Variants in NBAS observed in about 807,000 individuals in gnomAD.
NBAS encodes the protein NBAS subunit of NRZ tethering complex, also known as NAG/BC035112 fusion.
Under a neutral mutation model 302.5 loss-of-function variants are expected in NBAS, and 219 were observed. The ratio of observed to expected loss-of-function variants is 0.72; its 90% CI spans 0.65 to 0.81. The LOEUF is 0.81. NBAS is among the 30% of genes least tolerant of loss of function. NBAS has a pLI of 0.00. For missense variants in NBAS, 2,932 were observed against 2,841.6 expected, an observed-to-expected ratio of 1.03 and a Z score of -0.72; for synonymous variants, 1,118 against 1,021.6, an observed-to-expected ratio of 1.09 and a Z score of -1.80.
intron 21 of NBAS, among the ~76,000 whole-genome samples, chr2:15,431,668 G>GA (rs1033039268): frequency 2.0e-5 from 3 of 152,070 alleles, no homozygotes; most frequent in East Asian, 1.9e-4. Flanking sequence ...GTTTGTTCAT[G>GA]AAAAAAATGG....
the NBAS span, among the ~76,000 whole-genome samples, chr2:14,835,560 C>T: frequency 2.0e-5 from 3 of 151,850 alleles, no homozygotes; most frequent in African/African-American, 7.2e-5. Flanking sequence ...CTTAATCACT[C>T]TACCTGAATT....
At chr2:15,525,701 T>C (rs530631833) in intron 9 of NBAS, among the ~76,000 whole-genome samples, 1 of 152,240 alleles carries the variant, frequency 6.6e-6, no homozygotes, top group South Asian at 2.1e-4. Context: ...TAAATTAGGG[T>C]CTAGAAGTAG....
At chr2:14,885,655 C>T in the NBAS span, among the ~76,000 whole-genome samples, 1 of 152,088 alleles carries the variant, frequency 6.6e-6, no homozygotes, top group African/African-American at 2.4e-5. Context: ...AGGGAAGAAA[C>T]AATGCCTAAG....
At chr2:15,224,388 A>G (rs969105943) in intron 47 of NBAS, among the ~76,000 whole-genome samples, 1 of 152,260 alleles carries the variant, frequency 6.6e-6, no homozygotes, top group African/African-American at 2.4e-5. Context: ...AATGCAAGAA[A>G]GCAGAACTAC....
chr2:15,333,454 T>C (rs1310974677), intron 35 of NBAS, among the ~76,000 whole-genome samples: 2 of 151,784 alleles, frequency 1.3e-5, no homozygotes, highest in Admixed American at 1.3e-4. Context: ...ACAAAGGGAG[T>C]AACAATCAGA....
In NBAS at chr2:15,421,818, T is replaced by A. The variant is rs572933782; in HGVS notation, c.2577+2497A>T. On this transcript the variant is annotated intron_variant, in intron 23 of 51. Coordinates refer to ENST00000281513, the MANE Select transcript of NBAS (RefSeq NM_015909.4). ...CAGAAAGCTCTATAGGTTTTTCCTTTAATACACTTTATTTTTTAGAGCAGT... is the reference window on the plus strand; with the variant it reads ...CAGAAAGCTCTATAGGTTTTTCCTTAAATACACTTTATTTTTTAGAGCAGT... 3.9e-5 allele frequency among the ~76,000 whole-genome samples: 6 copies of A among 152,306 alleles called. No individual in the cohort carries two copies. The South Asian group carries it at 8.3e-4, about 21-fold the overall frequency.
At chr2:15,405,463 A>G (rs1039360888) in intron 25 of NBAS, among the ~76,000 whole-genome samples, 1 of 151,942 alleles carries the variant, frequency 6.6e-6, no homozygotes, top group Non-Finnish European at 1.5e-5. Context: ...TTCCTTCCCT[A>G]TTATCTCAGT....
intron 32 of NBAS, among the ~76,000 whole-genome samples, chr2:15,364,351 G>A (rs577559448): frequency 1.3e-5 from 2 of 152,226 alleles, no homozygotes; most frequent in South Asian, 4.1e-4. Context: ...GACCAGCATG[G>A]GGAAACCCCG....
At chr2:15,149,445 T>C in the NBAS span, among the ~76,000 whole-genome samples, 1 of 152,246 alleles carries the variant, frequency 6.6e-6, no homozygotes, top group Admixed American at 6.5e-5. Flanking sequence ...TAGTAACCTC[T>C]GATCCTATTT....
the NBAS span, among the ~76,000 whole-genome samples, chr2:15,145,025 C>A: frequency 6.6e-6 from 1 of 151,440 alleles, no homozygotes; most frequent in African/African-American, 2.5e-5. Context: ...TAGAGATAAT[C>A]CTCCTGTAGT....
chr2:15,490,380 C>A (rs112257864), intron 11 of NBAS, among the ~76,000 whole-genome samples: 5 of 152,194 alleles, frequency 3.3e-5, no homozygotes, highest in African/African-American at 1.2e-4. Context: ...AGGTTAATCC[C>A]AGAATCCCAC....
At chr2:14,950,224 T>C in the NBAS span, among the ~76,000 whole-genome samples, 71 of 152,334 alleles carry the variant, frequency 4.7e-4, no homozygotes, top group Non-Finnish European at 3.4e-4. Flanking sequence ...CTTTGCATCC[T>C]CATAGCTTAG....
chr2:15,149,338 A>C, the NBAS span, among the ~76,000 whole-genome samples: 1 of 152,252 alleles, frequency 6.6e-6, no homozygotes, highest in African/African-American at 2.4e-5. Flanking sequence ...CCCAGCCTCC[A>C]GAACTACAAG....
chr2:15,295,205 C>A (rs894737058), intron 40 of NBAS, among the ~76,000 whole-genome samples: 6 of 152,126 alleles, frequency 3.9e-5, no homozygotes, highest in African/African-American at 1.4e-4. Flanking sequence ...AAACAAATCC[C>A]AAGGCTAGGT....
At chr2:14,815,007 C>T in the NBAS span, among the ~76,000 whole-genome samples, 3 of 152,244 alleles carry the variant, frequency 2.0e-5, no homozygotes, top group East Asian at 1.9e-4. Flanking sequence ...CTCTTTCCTG[C>T]CACCATGTGA....
At chr2:15,204,077 C>T (rs1666024343) in intron 48 of NBAS, among the ~76,000 whole-genome samples, 1 of 152,028 alleles carries the variant, frequency 6.6e-6, no homozygotes, top group African/African-American at 2.4e-5. Flanking sequence ...GCCTGAGCAA[C>T]ATAGTGAGAC....
At chr2:15,311,631 C>CACA (rs1402833927) in intron 38 of NBAS, among the ~76,000 whole-genome samples, 1 of 152,180 alleles carries the variant, frequency 6.6e-6, no homozygotes, top group Non-Finnish European at 1.5e-5. Flanking sequence ...CTTAAATAGT[C>CACA]ACACTTGATG....
the NBAS span, among the ~76,000 whole-genome samples, chr2:14,791,217 C>A: frequency 9.9e-5 from 15 of 152,002 alleles, no homozygotes; most frequent in African/African-American, 3.6e-4. Context: ...TCTTGAACCC[C>A]CAACCTCAGG....
Position 15,320,220 on chromosome 2 carries a change from A to G in NBAS, c.4582+7530T>C, listed in dbSNP as rs534804442. Among the ~76,000 whole-genome samples the G allele has an allele frequency of 1.5e-3, 221 of 152,338 alleles. No individual in the cohort carries two copies. In the Middle Eastern group the frequency reaches 0.034, roughly 23 times the overall value. On this transcript the variant is annotated intron_variant, in intron 38 of 51. Coordinates refer to ENST00000281513, the MANE Select transcript of NBAS (RefSeq NM_015909.4). ...CAGCCCTTCATGCTAAAAACTCTCAATAAACTAGGTACTGATGGAACGAAT... is the reference window on the plus strand; with the variant it reads ...CAGCCCTTCATGCTAAAAACTCTCAGTAAACTAGGTACTGATGGAACGAAT...
Sources: allele counts gnomAD v4.1 joint callset (sites outside exome capture counted in the v4.1 genomes callset), GRCh38; gene constraint gnomAD v4.1.1; transcripts MANE v1.5; gene names NCBI Gene and HGNC (gene_info 2026-07-23, HGNC 2026-07-21).